LARGE1: variants seen among roughly 807,000 people sequenced by gnomAD.
LARGE1 encodes the protein LARGE xylosyl- and glucuronyltransferase 1.
In LARGE1, 43 loss-of-function variants were observed where a neutral mutation model predicts 87.6. The observed-to-expected ratio is 0.49, with a 90% CI of 0.38 to 0.63. LARGE1 has a LOEUF of 0.63. Ranked by LOEUF, LARGE1 falls within the 30% of genes least tolerant of loss-of-function variation. The pLI is 0.00. For missense variants in LARGE1, 802 were observed against 1,000.2 expected (o/e 0.80, Z 2.67); for synonymous variants, 434 against 394.6 (o/e 1.10, Z -1.18).
At chr22:33,334,435 A>AAAAAAAC (rs796682561) in intron 10 of LARGE1, among the ~76,000 whole-genome samples, 2 of 144,992 alleles carry the variant, frequency 1.4e-5, no homozygotes, top group African/African-American at 2.7e-5. Context: ...AAAAAAAAAA[A>AAAAAAAC]CACCAAACAA....
chr22:33,572,742 T>C, intron 5 of LARGE1, among the ~76,000 whole-genome samples: 1 of 152,044 alleles, frequency 6.6e-6, no homozygotes, highest in African/African-American at 2.4e-5. Context: ...TGGTGGCGCA[T>C]GCCTGTAATC....
At chr22:33,203,658 C>A (rs1039670995) in intron 11 of LARGE1, among the ~76,000 whole-genome samples, 10 of 152,228 alleles carry the variant, frequency 6.6e-5, no homozygotes, top group East Asian at 1.9e-4. Flanking sequence ...TAGGGAAAAA[C>A]CCACGAGGAA....
At chr22:33,299,802 T>C (rs1310313125) in intron 12 of LARGE1, among the ~76,000 whole-genome samples, 2 of 152,230 alleles carry the variant, frequency 1.3e-5, no homozygotes, top group African/African-American at 2.4e-5. Context: ...ACCTCTGCCA[T>C]GCCCCGCTGA....
intron 5 of LARGE1, among the ~76,000 whole-genome samples, chr22:33,585,113 T>C (rs1178940190): frequency 1.3e-5 from 2 of 152,014 alleles, no homozygotes; most frequent in African/African-American, 4.8e-5. Flanking sequence ...CAAGACTTCG[T>C]CTCAATAAAA....
chr22:33,102,791 C>T, the LARGE1 span, among the ~76,000 whole-genome samples: 1 of 151,970 alleles, frequency 6.6e-6, no homozygotes, highest in East Asian at 1.9e-4. Context: ...GCACCTGGCA[C>T]CCCCATTCCC....
At chr22:33,102,474 C>T in the LARGE1 span, among the ~76,000 whole-genome samples, 1 of 150,948 alleles carries the variant, frequency 6.6e-6, no homozygotes, top group Non-Finnish European at 1.5e-5. Flanking sequence ...CCTGGGCCCC[C>T]CTTCCTTCCT....
chr22:33,132,660 C>T, the LARGE1 span, among the ~76,000 whole-genome samples: 2 of 151,686 alleles, frequency 1.3e-5, no homozygotes, highest in African/African-American at 4.8e-5. Context: ...AAATTTATTA[C>T]AGGGAGTCTG....
chr22:33,543,053 C>T (rs1359909924), intron 6 of LARGE1, among the ~76,000 whole-genome samples: 2 of 151,628 alleles, frequency 1.3e-5, no homozygotes, highest in African/African-American at 4.9e-5. Flanking sequence ...ACAAAATGCT[C>T]TGTTTCCCGC....
intron 1 of LARGE1, among the ~76,000 whole-genome samples, chr22:33,844,174 G>C (rs1436428374): frequency 6.6e-6 from 1 of 151,896 alleles, no homozygotes. Context: ...AACCCTGAAA[G>C]ACAGGATACC....
chr22:33,681,211 G>A (rs1334898187), intron 2 of LARGE1, among the ~76,000 whole-genome samples: 3 of 152,164 alleles, frequency 2.0e-5, no homozygotes, highest in African/African-American at 4.8e-5. Context: ...AGCTGGGGCT[G>A]TATTGCTCTG....
At chr22:33,263,463 GGT>G (rs1927756810) in intron 11 of LARGE1, among the ~76,000 whole-genome samples, 2 of 152,226 alleles carry the variant, frequency 1.3e-5, no homozygotes, top group Admixed American at 1.3e-4. Flanking sequence ...TGCAGGGAGT[GGT>G]GTGTTCTCTC....
chr22:33,772,227 G>A (rs1454290899), intron 1 of LARGE1, among the ~76,000 whole-genome samples: 3 of 152,106 alleles, frequency 2.0e-5, no homozygotes, highest in Non-Finnish European at 2.9e-5. Context: ...CAGCTACTCG[G>A]GAAGCTGAGG....
chr22:33,497,540 T>C (rs1046133064), intron 6 of LARGE1, among the ~76,000 whole-genome samples: 2 of 152,226 alleles, frequency 1.3e-5, no homozygotes, highest in African/African-American at 4.8e-5. Flanking sequence ...AAAAGAGTCT[T>C]GTGCTTCAGT....
intron 6 of LARGE1, among the ~76,000 whole-genome samples, chr22:33,507,290 G>T (rs1021739871): frequency 6.6e-6 from 1 of 152,216 alleles, no homozygotes; most frequent in African/African-American, 2.4e-5. Context: ...GGCATCTGGT[G>T]CTGGGAGTTA....
At position 33,392,443 on chromosome 22, in the gene LARGE1, G is replaced by A. The variant is rs377116081; in HGVS notation, c.893-8139C>T. ...AGAGGCAGAGGAGGGTGGATCACCT[G>A]AGGTCAGGAGTTCGAGACCAGCCTG... On this transcript the variant is annotated intron_variant, in intron 7 of 14. Transcript: ENST00000397394. 9.8e-5 allele frequency among the ~76,000 whole-genome samples: 15 copies of A among 152,296 alleles called. No homozygotes were observed. The East Asian group carries it at 2.7e-3, about 27-fold the overall frequency.
At position 33,318,060 on chromosome 22, in the gene LARGE1, C is replaced by G. The variant is rs988834339; in HGVS notation, c.1288-1812G>C. Among the ~76,000 whole-genome samples the G allele has an allele frequency of 7.2e-5, 11 of 151,826 alleles. No individual in the cohort carries two copies. In the East Asian group the frequency reaches 2.1e-3, roughly 29 times the overall value. ...GACCAGCTTGGCCAAGATGGTGACA[C>G]CCCGTCTCTACTAAAAACACAAAAA... On this transcript the variant is annotated intron_variant, in intron 10 of 14. Transcript: ENST00000397394.
chr22:33,068,655 ATAAAT>A, the LARGE1 span, among the ~76,000 whole-genome samples: 4 of 152,130 alleles, frequency 2.6e-5, no homozygotes, highest in East Asian at 7.7e-4. Flanking sequence ...AAAAAAATAA[ATAAAT>A]AAAAATAAAT....
intron 2 of LARGE1, among the ~76,000 whole-genome samples, chr22:33,704,581 G>A (rs1440600649): frequency 2.0e-5 from 3 of 152,160 alleles, no homozygotes; most frequent in South Asian, 2.1e-4. Flanking sequence ...TGCAAGGCAC[G>A]ACACTCATCA....
chr22:33,346,787 G>C (rs1282504976), intron 9 of LARGE1, among the ~76,000 whole-genome samples: 1 of 152,118 alleles, frequency 6.6e-6, no homozygotes, highest in Non-Finnish European at 1.5e-5. Flanking sequence ...CCTGTGAATG[G>C]ATCATGACCC....
Sources: allele counts gnomAD v4.1 joint callset (sites outside exome capture counted in the v4.1 genomes callset), GRCh38; gene constraint gnomAD v4.1.1; transcripts MANE v1.5; gene names NCBI Gene and HGNC (gene_info 2026-07-23, HGNC 2026-07-21).